Variants in PI4KB observed in about 807,000 individuals in gnomAD.
PI4KB encodes the protein PtdIns 4-kinase beta.
A neutral mutation model predicts 81.4 loss-of-function variants in PI4KB; 23 were observed. The observed-to-expected ratio is 0.28, with a 90% CI of 0.20 to 0.40. PI4KB has a LOEUF of 0.40. PI4KB is among the 10% of genes least tolerant of loss of function. PI4KB has a pLI of 1.00. For missense variants in PI4KB, 651 were observed against 1,036.6 expected (o/e 0.63, Z 5.11); for synonymous variants, 381 against 406.8 (o/e 0.94, Z 0.76).
chr1:151,321,810 T>C (rs1451251206), intron 1 of PI4KB, among the ~76,000 whole-genome samples: 1 of 147,338 alleles, frequency 6.8e-6, no homozygotes, highest in Non-Finnish European at 1.5e-5. Flanking sequence ...GAGGCGGAGC[T>C]TGCAGTGAGC....
chr1:151,308,881 G>C (rs1695994217), intron 3 of PI4KB, among the ~76,000 whole-genome samples: 1 of 152,176 alleles, frequency 6.6e-6, no homozygotes, highest in Admixed American at 6.5e-5. Context: ...TCTGGATTGA[G>C]AGAATTTCTA....
intron 6 of PI4KB, 166 bp downstream of exon 6, chr1:151,303,375 C>G: frequency 1.5e-6 from 1 of 652,130 alleles, no homozygotes; most frequent in Non-Finnish European, 2.8e-6. Context: ...ATTTCTCAAC[C>G]TACACCTTCA....
chr1:151,320,643 G>C (rs765454536), intron 1 of PI4KB, among the ~76,000 whole-genome samples: 1 of 152,140 alleles, frequency 6.6e-6, no homozygotes, highest in South Asian at 2.1e-4. Flanking sequence ...GTCCCTACTC[G>C]CAACTGTGAG....
upstream of PI4KB, chr1:151,327,712 G>A: frequency 4.0e-6 from 1 of 247,040 alleles, no homozygotes; most frequent in Non-Finnish European, 7.6e-6. Context: ...AAAAGGGGGC[G>A]GGGAAAAGAT....
intron 5 of PI4KB, 121 bp downstream of exon 5, chr1:151,306,015 C>T (rs1695725922): frequency 9.9e-6 from 7 of 705,922 alleles, no homozygotes; most frequent in African/African-American, 1.8e-5. Flanking sequence ...TCACTACCTA[C>T]ACCACTCATT....
At chr1:151,294,378 C>G (rs587745518) in intron 10 of PI4KB, 31 bp downstream of exon 10, 1 of 1,609,372 alleles carries the variant, frequency 6.2e-7, no homozygotes, top group Admixed American at 1.7e-5. Flanking sequence ...ATACAATGAC[C>G]CCCGAGAGGC....
chr1:151,295,879 C>T (rs992346274), intron 9 of PI4KB, among the ~76,000 whole-genome samples: 3 of 152,158 alleles, frequency 2.0e-5, no homozygotes, highest in African/African-American at 4.8e-5. Flanking sequence ...GAGCTCTAGG[C>T]TCCCTGGGCC....
intron 1 of PI4KB, among the ~76,000 whole-genome samples, chr1:151,320,587 A>C (rs1648710173): frequency 6.6e-6 from 1 of 152,240 alleles, no homozygotes; most frequent in South Asian, 2.1e-4. Flanking sequence ...AAAATTAGGT[A>C]GTGCCCTCTG....
intron 8 of PI4KB, among the ~76,000 whole-genome samples, chr1:151,299,692 G>T (rs1016835931): frequency 6.6e-6 from 1 of 150,948 alleles, no homozygotes; most frequent in Non-Finnish European, 1.5e-5. Context: ...TCTCTCCGAC[G>T]AAAAAAAAGA....
chr1:151,320,352 C>T (rs1199307261), intron 1 of PI4KB, among the ~76,000 whole-genome samples: 1 of 152,060 alleles, frequency 6.6e-6, no homozygotes, highest in Non-Finnish European at 1.5e-5. Flanking sequence ...TTTTAACTGC[C>T]CAATATCATA....
chr1:151,306,294 T>C lies in PI4KB; in HGVS notation c.1252A>G (p.Ile418Val), dbSNP rs777966347. 3.7e-6 allele frequency: 6 copies of C among 1,614,184 alleles called. No individual in the cohort carries two copies. Among genetic ancestry groups the C allele is most frequent in the Non-Finnish European group, 5.1e-6 (6 of 1,180,022 alleles). The change falls in exon 5 of 12, where the codon ATC becomes GTC. Residue 418 changes from isoleucine (I) to valine (V), a missense_variant. Physicochemically the swap from Ile to Val is conservative, Grantham distance 29. Coordinates refer to ENST00000368873, the MANE Select transcript of PI4KB (RefSeq NM_001369623.2). ...GTACTCCGAATTCGGTTCTCGGGGATCCGGGCAGGGACACTGGTGGTGTCA... is the reference window on the plus strand; with the variant it reads ...GTACTCCGAATTCGGTTCTCGGGGACCCGGGCAGGGACACTGGTGGTGTCA... ...NFDTTSVPARIPENRIRSTRS... is the reference protein window; with the variant it reads ...NFDTTSVPARVPENRIRSTRS...
intron 1 of PI4KB, among the ~76,000 whole-genome samples, chr1:151,318,661 G>A (rs969213260): frequency 1.3e-5 from 2 of 152,016 alleles, no homozygotes; most frequent in Non-Finnish European, 2.9e-5. Flanking sequence ...GTGGTGAGCC[G>A]AGATCGCACC....
In PI4KB at chr1:151,315,782, T is replaced by C. The variant is rs775690832; in HGVS notation, c.700A>G (p.Thr234Ala). 5.0e-6 allele frequency: 8 copies of C among 1,612,928 alleles called. No homozygotes were observed. Among genetic ancestry groups the C allele is most frequent in the Non-Finnish European group, 8.5e-7 (1 of 1,179,296 alleles). ...GAGAGGATCAGCTTCCGTAGCTTGG[T>C]CCCACGGGAGTGTCGTTGAGTGGAA... The part of the protein sequence containing the change: ...HISTQRHSRG[T>A]KLRKLILSDE... Residue 234 changes from threonine to alanine, a missense_variant, in exon 2 of 12, where the codon ACC becomes GCC. This residue lies in a region of PI4KB where 314 missense variants were observed against 397.8 expected (regional missense o/e 0.79). Transcript: ENST00000368873.
Position 151,302,265 on chromosome 1 carries a change from C to T in PI4KB, c.1554G>A (p.Pro518=), listed in dbSNP as rs41270706. 4.2e-3 allele frequency: 6,798 copies of T among 1,614,114 alleles called. 13 individuals carry two copies. Among genetic ancestry groups the T allele is most frequent in the Middle Eastern group, 8.6e-3 (52 of 6,058 alleles). ...RRLSEQLAHT[P]TAFKRDPEDP... is the part of the protein sequence containing the mutation. The stretch of plus-strand genomic sequence containing the variant: ...CTTCTGGGTCTCGTTTGAAGGCTGT[C>T]GGGGTATGAGCCAGCTGTTCCGAAA... Residue 518 remains proline (P), a synonymous_variant, in exon 7 of 12, where the codon CCG becomes CCA. Transcript: ENST00000368873.
At chr1:151,317,218 C>T (rs1160344458) in intron 1 of PI4KB, among the ~76,000 whole-genome samples, 1 of 148,132 alleles carries the variant, frequency 6.8e-6, no homozygotes, top group East Asian at 2.0e-4. Context: ...GGGCTCATTG[C>T]AACCTTGACC....
intron 1 of PI4KB, among the ~76,000 whole-genome samples, chr1:151,321,325 G>C (rs898630694): frequency 2.0e-5 from 3 of 152,174 alleles, no homozygotes; most frequent in Non-Finnish European, 4.4e-5. Flanking sequence ...GGAGAAGAAG[G>C]TGTTGTAGGG....
chr1:151,320,946 T>C (rs934719859), intron 1 of PI4KB, among the ~76,000 whole-genome samples: 6 of 152,206 alleles, frequency 3.9e-5, no homozygotes, highest in Non-Finnish European at 7.3e-5. Context: ...TCCCACATAA[T>C]AGTGTCTCAG....
chr1:151,302,987 GCTTT>G lies in PI4KB; in HGVS notation c.1520+550_1520+553del, dbSNP rs1393358204. Among the ~76,000 whole-genome samples the G allele has an allele frequency of 2.4e-3, 357 of 146,994 alleles. 3 individuals are homozygous for G. Among genetic ancestry groups the G allele is most frequent in the African/African-American group, 8.6e-3 (343 of 39,754 alleles). On this transcript the variant is annotated intron_variant, in intron 6 of 11. Coordinates refer to ENST00000368873, the MANE Select transcript of PI4KB (RefSeq NM_001369623.2). Reference sequence around the variant, plus strand: ...CACTGCTCAAACTCCTTCCTCTGGTGCTTTCTTGTTTTTTTTTTTTTTTTTTTTT... The same window carrying G: ...CACTGCTCAAACTCCTTCCTCTGGTGCTTGTTTTTTTTTTTTTTTTTTTTT...
In PI4KB at chr1:151,296,868, C is replaced by T. The variant is rs147644146; in HGVS notation, c.2015+1940G>A. Among the ~76,000 whole-genome samples, 442 of 151,908 alleles carry T rather than the reference C, an allele frequency of 2.9e-3. 12 individuals are homozygous for T. The East Asian group carries it at 0.071, about 25-fold the overall frequency. ...TCATCTCACTGCAACCTCCACCTCCCGGGTTCCAGCAATTGTCCTGCCTCA... is the reference window on the plus strand; with the variant it reads ...TCATCTCACTGCAACCTCCACCTCCTGGGTTCCAGCAATTGTCCTGCCTCA... On this transcript the variant is annotated intron_variant, in intron 9 of 11. Transcript: ENST00000368873.
Sources: allele counts gnomAD v4.1 joint callset (sites outside exome capture counted in the v4.1 genomes callset), GRCh38; gene constraint gnomAD v4.1.1; regional missense constraint gnomAD v4.1.1; transcripts MANE v1.5; gene names NCBI Gene and HGNC (gene_info 2026-07-23, HGNC 2026-07-21).